SLC9A4: variants seen among roughly 807,000 people sequenced by gnomAD.
SLC9A4 encodes sodium/hydrogen exchanger 4.
SLC9A4 carries 63 observed loss-of-function variants against 67.4 expected under a neutral mutation model. The ratio of observed to expected loss-of-function variants is 0.93; its 90% CI spans 0.76 to 1.15. The LOEUF (loss-of-function observed/expected upper bound fraction) is 1.15. Ranked by LOEUF, SLC9A4 falls within the 50% of genes most tolerant of loss-of-function variation. SLC9A4 has a pLI of 0.00. For synonymous variants in SLC9A4, 393 were observed against 367.2 expected, an observed-to-expected ratio of 1.07 and a Z score of -0.80; for missense variants, 1,089 against 987.7, an observed-to-expected ratio of 1.10 and a Z score of -1.38.
chr2:102,494,698 T>G (rs1389328243), intron 2 of SLC9A4, among the ~76,000 whole-genome samples: 1 of 151,960 alleles, frequency 6.6e-6, no homozygotes, highest in East Asian at 1.9e-4. Flanking sequence ...TACGTTAATA[T>G]CAGTTAAAAG....
At chr2:102,492,848 G>T (rs1573334781) in intron 2 of SLC9A4, among the ~76,000 whole-genome samples, 3 of 152,224 alleles carry the variant, frequency 2.0e-5, no homozygotes, top group Admixed American at 2.0e-4. Context: ...TTCCAAACTT[G>T]TATGCTCTGC....
intron 11 of SLC9A4, among the ~76,000 whole-genome samples, chr2:102,528,466 A>G (rs1170262573): frequency 6.6e-6 from 1 of 151,482 alleles, no homozygotes; most frequent in African/African-American, 2.4e-5. Context: ...GGGTCTCCCT[A>G]TGTTGCCCAG....
In SLC9A4 at chr2:102,473,952, G is replaced by T. The variant is rs756206918; in HGVS notation, c.193G>T (p.Asp65Tyr). 1.2e-6 allele frequency: 2 copies of T among 1,613,924 alleles called. No homozygotes were observed. Among genetic ancestry groups the T allele is most frequent in the Non-Finnish European group, 1.7e-6 (2 of 1,179,940 alleles). The stretch of plus-strand genomic sequence containing the variant: ...GATATCTGTTTTTGAACTGGATTAT[G>T]ACTATGTGCAAATTCCTTATGAGGT... ...EGISVFELDY[D>Y]YVQIPYEVTL... is the part of the protein sequence containing the mutation. The change falls in exon 1 of 12, where the codon GAC becomes TAC. Residue 65 changes from aspartate (D) to tyrosine (Y), a missense_variant. Coordinates refer to ENST00000295269, the MANE Select transcript of SLC9A4 (RefSeq NM_001011552.4).
chr2:102,518,314 T>C (rs1192627516), intron 8 of SLC9A4, among the ~76,000 whole-genome samples: 1 of 152,224 alleles, frequency 6.6e-6, no homozygotes, highest in African/African-American at 2.4e-5. Context: ...AATGAACACA[T>C]AAATGGAACT....
intron 8 of SLC9A4, among the ~76,000 whole-genome samples, chr2:102,516,905 G>C (rs189708247): frequency 2.6e-5 from 4 of 152,066 alleles, no homozygotes; most frequent in African/African-American, 4.8e-5. Flanking sequence ...CATAACAAAC[G>C]TAACAACCAT....
chr2:102,500,707 T>C (rs1684912309), intron 2 of SLC9A4, among the ~76,000 whole-genome samples: 2 of 152,154 alleles, frequency 1.3e-5, no homozygotes, highest in Admixed American at 1.3e-4. Flanking sequence ...AAGTGTACAG[T>C]TACATGGTGA....
intron 8 of SLC9A4, among the ~76,000 whole-genome samples, chr2:102,518,240 T>C (rs1214158046): frequency 2.0e-5 from 3 of 152,240 alleles, no homozygotes; most frequent in Non-Finnish European, 2.9e-5. Flanking sequence ...TTACAGCTAC[T>C]GCTATATCAA....
At chr2:102,509,896 A>G (rs1685126071) in intron 6 of SLC9A4, among the ~76,000 whole-genome samples, 1 of 152,200 alleles carries the variant, frequency 6.6e-6, no homozygotes, top group Admixed American at 6.5e-5. Flanking sequence ...GCAAACTTCA[A>G]TGTTTCCTGG....
rs1346718521 is a variant in SLC9A4, at chr2:102,505,245, C to A, written c.981-9C>A. 6.2e-7 allele frequency: 1 copy of A among 1,612,540 alleles called. No homozygotes were observed. The highest frequency in any genetic ancestry group is 1.1e-5 in the South Asian group (1 of 90,744). On this transcript the variant is annotated splice_polypyrimidine_tract_variant and intron_variant, in intron 3 of 11. Coordinates refer to ENST00000295269, the MANE Select transcript of SLC9A4 (RefSeq NM_001011552.4). ...ATGGATTTTCTCTGAGACTCTGCTC[C>A]TTTTATAGAATCACAGCCTGCGCAG...
intron 2 of SLC9A4, among the ~76,000 whole-genome samples, chr2:102,486,807 T>A (rs1314900954): frequency 6.6e-6 from 1 of 152,220 alleles, no homozygotes. Context: ...GATACACAAA[T>A]GTCTTCTTGC....
At chr2:102,530,735 T>G (rs1444336429) in intron 11 of SLC9A4, among the ~76,000 whole-genome samples, 1 of 152,210 alleles carries the variant, frequency 6.6e-6, no homozygotes, top group African/African-American at 2.4e-5. Context: ...CAGGCCTTGT[T>G]GTAGAGAACA....
chr2:102,502,136 C>T (rs1444536247), intron 2 of SLC9A4, among the ~76,000 whole-genome samples: 2 of 152,146 alleles, frequency 1.3e-5, no homozygotes, highest in African/African-American at 4.8e-5. Context: ...TCTTCAGGGG[C>T]TGATATTCCC....
Position 102,526,314 on chromosome 2 carries a change from C to A in SLC9A4, c.2006C>A (p.Ala669Glu). 1 of 1,613,820 alleles carries A rather than the reference C, an allele frequency of 6.2e-7. No individual in the cohort carries two copies. Among genetic ancestry groups the A allele is most frequent in the Non-Finnish European group, 8.5e-7 (1 of 1,179,778 alleles). The change falls in exon 11 of 12, where the codon GCA (alanine) becomes GAA (glutamate). Residue 669 changes from alanine to glutamate, a missense_variant. Coordinates refer to ENST00000295269, the MANE Select transcript of SLC9A4 (RefSeq NM_001011552.4). The stretch of plus-strand genomic sequence containing the variant: ...TACCCCTACGGGAATCCTCAGTCTG[C>A]AGGAAGAGACACAAGGGCTGCTGGG... ...LSYPYGNPQS[A>E]GRDTRAAGFS... is the part of the protein sequence containing the mutation.
At chr2:102,486,143 A>G (rs905700305) in intron 2 of SLC9A4, among the ~76,000 whole-genome samples, 8 of 152,218 alleles carry the variant, frequency 5.3e-5, no homozygotes, top group Admixed American at 5.2e-4. Flanking sequence ...ATAGCCAAGA[A>G]CATGGATGGG....
chr2:102,483,089 T>A (rs1222949916), intron 2 of SLC9A4, among the ~76,000 whole-genome samples: 1 of 152,170 alleles, frequency 6.6e-6, no homozygotes, highest in East Asian at 1.9e-4. Flanking sequence ...AGAATGATCA[T>A]TTCAGGATAA....
chr2:102,482,314 T>C (rs1241372868), intron 2 of SLC9A4, among the ~76,000 whole-genome samples: 1 of 152,098 alleles, frequency 6.6e-6, no homozygotes, highest in African/African-American at 2.4e-5. Context: ...GAAACCTGTG[T>C]TATTAAAACC....
rs146129536 is a variant in SLC9A4 at position 102,477,604 on chromosome 2, T to G, written c.257-1235T>G. 3.5e-4 allele frequency among the ~76,000 whole-genome samples: 54 copies of G among 152,270 alleles called. No individual in the cohort carries two copies. The East Asian group carries it at 0.01, about 29-fold the overall frequency. On this transcript the variant is annotated intron_variant, in intron 1 of 11. Transcript: ENST00000295269. ...ATTATTGTTATTAGACGGAGTGAGA[T>G]AAAATGTTTTATTATTAGTAATTCA...
chr2:102,523,056 C>T (rs1476071604), intron 9 of SLC9A4, among the ~76,000 whole-genome samples: 1 of 152,050 alleles, frequency 6.6e-6, no homozygotes, highest in African/African-American at 2.4e-5. Flanking sequence ...GGGGCTTTGA[C>T]CTCCTAGACT....
At position 102,479,065 on chromosome 2, in the gene SLC9A4, G is replaced by A. The variant is rs750748116; in HGVS notation, c.483G>A (p.Trp161Ter). The change falls in exon 2 of 12, where the codon TGG (tryptophan) becomes TGA (stop). Residue 161 changes from tryptophan to a stop codon, truncating the protein, a stop_gained. Transcript: ENST00000295269. LOFTEE classifies it high-confidence loss of function. Reference sequence around the variant, plus strand: ...AGAACATCGGCTCCATCCTGTGGTGGGCAGTATTGGGGGCCCTGATCAACG... The same window carrying A: ...AGAACATCGGCTCCATCCTGTGGTGAGCAGTATTGGGGGCCCTGATCAACG... ...FFENIGSILW[W>*]AVLGALINAL... 13 of 1,614,082 alleles carry A rather than the reference G, an allele frequency of 8.1e-6. No individual in the cohort carries two copies. Among genetic ancestry groups the A allele is most frequent in the Non-Finnish European group, 1.0e-5 (12 of 1,180,044 alleles).
Sources: gnomAD v4.1 joint callset for allele counts (sites outside exome capture counted in the v4.1 genomes callset) on GRCh38, gnomAD v4.1.1 for gene constraint, MANE v1.5 for transcripts, NCBI Gene and HGNC (gene_info 2026-07-23, HGNC 2026-07-21) for gene names.